Variants in RBFOX1 observed in about 807,000 individuals in gnomAD.
RBFOX1 encodes the protein RNA binding protein fox-1 homolog 1.
A neutral mutation model predicts 57.7 loss-of-function variants in RBFOX1; 8 were observed. The observed-to-expected ratio is 0.14, with a 90% CI of 0.08 to 0.25. The LOEUF (loss-of-function observed/expected upper bound fraction) is 0.25. RBFOX1 is among the 10% of genes least tolerant of loss of function. The pLI, the probability that RBFOX1 is intolerant of heterozygous loss-of-function variation, is 1.00. For synonymous variants in RBFOX1, 326 were observed against 222.4 expected, an observed-to-expected ratio of 1.47 and a Z score of -4.15; for missense variants, 611 against 548.5, an observed-to-expected ratio of 1.11 and a Z score of -1.14.
At chr16:6,697,799 T>C (rs1219273002) in intron 3 of RBFOX1, among the ~76,000 whole-genome samples, 1 of 152,172 alleles carries the variant, frequency 6.6e-6, no homozygotes, top group Admixed American at 6.5e-5. Context: ...ACCTTGGTAT[T>C]GGAAGTCCAT....
At chr16:6,683,739 C>T (rs543958746) in intron 3 of RBFOX1, among the ~76,000 whole-genome samples, 1 of 152,238 alleles carries the variant, frequency 6.6e-6, no homozygotes, top group South Asian at 2.1e-4. Context: ...AGACGCAGTT[C>T]AGGTAGTGCC....
chr16:6,792,059 C>G (rs536523628), intron 3 of RBFOX1, among the ~76,000 whole-genome samples: 1 of 152,216 alleles, frequency 6.6e-6, no homozygotes, highest in South Asian at 2.1e-4. Context: ...GTTTCACGAA[C>G]TATCACATAT....
intron 1 of RBFOX1, among the ~76,000 whole-genome samples, chr16:5,348,956 A>G (rs2065202507): frequency 6.6e-6 from 1 of 152,226 alleles, no homozygotes; most frequent in Admixed American, 6.5e-5. Flanking sequence ...GCTGGATCAT[A>G]TGGTACTTCT....
chr16:6,925,364 A>T (rs2153461924), intron 3 of RBFOX1, among the ~76,000 whole-genome samples: 1 of 151,562 alleles, frequency 6.6e-6, no homozygotes. Flanking sequence ...ACCTCAGGCG[A>T]TCTACCTGCC....
At chr16:7,228,054 C>T (rs969714194) in intron 4 of RBFOX1, among the ~76,000 whole-genome samples, 4 of 152,086 alleles carry the variant, frequency 2.6e-5, no homozygotes, top group Non-Finnish European at 4.4e-5. Flanking sequence ...CCGACTTTCT[C>T]CTGATACTGC....
At chr16:5,511,080 A>C (rs551187397) in intron 2 of RBFOX1, among the ~76,000 whole-genome samples, 2 of 152,344 alleles carry the variant, frequency 1.3e-5, no homozygotes, top group Admixed American at 6.5e-5. Context: ...CCGTGAAAAA[A>C]AACAGTGTGG....
intron 9 of RBFOX1, among the ~76,000 whole-genome samples, chr16:7,598,845 G>T (rs190851845): frequency 2.0e-5 from 3 of 152,272 alleles, no homozygotes; most frequent in Admixed American, 6.5e-5. Flanking sequence ...AATAGGTTCA[G>T]TCAGAACTAA....
chr16:5,860,705 A>G (rs1459576660), intron 3 of RBFOX1, among the ~76,000 whole-genome samples: 1 of 152,190 alleles, frequency 6.6e-6, no homozygotes, highest in African/African-American at 2.4e-5. Flanking sequence ...ACTAGTCTAT[A>G]TAAGCAGAAG....
intron 2 of RBFOX1, among the ~76,000 whole-genome samples, chr16:5,505,939 A>C (rs779007897): frequency 1.3e-5 from 2 of 152,100 alleles, no homozygotes; most frequent in African/African-American, 2.4e-5. Context: ...TCTCTCTGCT[A>C]TAGACTTTTT....
chr16:6,978,442 C>A (rs552924378), intron 3 of RBFOX1, among the ~76,000 whole-genome samples: 2 of 152,112 alleles, frequency 1.3e-5, no homozygotes, highest in South Asian at 4.1e-4. Context: ...TAGTTATAAG[C>A]CCTTGGTGCA....
chr16:6,995,290 T>TTG (rs57039390), intron 3 of RBFOX1, among the ~76,000 whole-genome samples: 28,343 of 138,014 alleles, frequency 0.21, 2,851 homozygotes, highest in Middle Eastern at 0.34. Flanking sequence ...GAAAGTAGCC[T>TTG]TGTGTGTGTG....
At chr16:5,809,063 G>A (rs913739804) in intron 3 of RBFOX1, among the ~76,000 whole-genome samples, 4 of 152,140 alleles carry the variant, frequency 2.6e-5, no homozygotes, top group African/African-American at 9.7e-5. Flanking sequence ...AGAAAAACAA[G>A]CAATGGGGAA....
intron 3 of RBFOX1, among the ~76,000 whole-genome samples, chr16:6,981,042 C>CAAAAGAAAAAAAAAAAAAAAAAAAAAAAA (rs2088658166): frequency 1.3e-5 from 1 of 77,472 alleles, no homozygotes; most frequent in African/African-American, 7.9e-5. Context: ...GTCTCAGTCT[C>CAAAAGAAAAAAAAAAAAAAAAAAAAAAAA]AAAAAAAAAA....
At position 7,130,021 on chromosome 16, in the gene RBFOX1, C is replaced by T. The variant is rs75700734; in HGVS notation, c.27+77923C>T. 9.9e-3 allele frequency among the ~76,000 whole-genome samples: 1,493 copies of T among 150,290 alleles called. 21 individuals are homozygous for T. Among genetic ancestry groups the T allele is most frequent in the African/African-American group, 0.035 (1,412 of 40,708 alleles). On this transcript the variant is annotated intron_variant, in intron 4 of 15. Coordinates refer to ENST00000550418, the MANE Select transcript of RBFOX1 (RefSeq NM_018723.4). ...TCTATACCTGGCCTCTAATCTTCTT[C>T]ATTTTTGAAGATTTTTTTTTTTTTT...
chr16:7,230,383 C>T (rs1314080622), intron 4 of RBFOX1, among the ~76,000 whole-genome samples: 4 of 152,118 alleles, frequency 2.6e-5, no homozygotes, highest in South Asian at 2.1e-4. Flanking sequence ...TCAGTTTTGG[C>T]TTAACATATC....
chr16:5,858,186 AG>A (rs2057120261), intron 3 of RBFOX1, among the ~76,000 whole-genome samples: 1 of 152,106 alleles, frequency 6.6e-6, no homozygotes, highest in Admixed American at 6.5e-5. Flanking sequence ...GGGGCTCTTT[AG>A]AAGGAAACTT....
intron 2 of RBFOX1, among the ~76,000 whole-genome samples, chr16:6,498,805 C>A (rs576209892): frequency 4.9e-4 from 75 of 152,188 alleles, no homozygotes; most frequent in African/African-American, 1.7e-3. Context: ...TAGTGTTATT[C>A]CCACCTGCTA....
chr16:5,787,891 A>G (rs1022605140), intron 3 of RBFOX1, among the ~76,000 whole-genome samples: 1 of 152,254 alleles, frequency 6.6e-6, no homozygotes, highest in African/African-American at 2.4e-5. Context: ...TAAGGAACTT[A>G]GATGTTATGT....
intron 4 of RBFOX1, among the ~76,000 whole-genome samples, chr16:5,955,372 A>T (rs2059614734): frequency 1.2e-5 from 1 of 84,956 alleles, no homozygotes; most frequent in Admixed American, 1.1e-4. Flanking sequence ...AAAATAAAAT[A>T]AAATAAAATA....
Sources: allele counts gnomAD v4.1 joint callset (sites outside exome capture counted in the v4.1 genomes callset), GRCh38; gene constraint gnomAD v4.1.1; transcripts MANE v1.5; gene names NCBI Gene and HGNC (gene_info 2026-07-23, HGNC 2026-07-21).